Variants in LRFN5 observed in about 807,000 individuals in gnomAD.
LRFN5 encodes the protein leucine-rich repeat and fibronectin type-III domain-containing protein 5.
Under a neutral mutation model 45.6 loss-of-function variants are expected in LRFN5, and 24 were observed. The observed-to-expected ratio is 0.53, with a 90% CI of 0.38 to 0.74. The LOEUF is 0.74. Ranked by LOEUF, LRFN5 falls within the 30% of genes least tolerant of loss-of-function variation. The pLI, the probability that LRFN5 is intolerant of heterozygous loss-of-function variation, is 0.00. For synonymous variants in LRFN5, 340 were observed against 313.8 expected (o/e 1.08, Z -0.88); for missense variants, 776 against 861.5 (o/e 0.90, Z 1.24).
intron 1 of LRFN5, among the ~76,000 whole-genome samples, chr14:41,648,881 G>T (rs2138613933): frequency 6.6e-6 from 1 of 152,038 alleles, no homozygotes; most frequent in South Asian, 2.1e-4. Context: ...TCTAGAACTT[G>T]CCCTGTAAAC....
At chr14:41,898,779 GT>G (rs1170804831) in intron 4 of LRFN5, 137 bp from the exon 5 acceptor site, 1 of 790,566 alleles carries the variant, frequency 1.3e-6, no homozygotes, top group African/African-American at 1.8e-5. Context: ...GAACTGGTAA[GT>G]TTTTTAAAAA....
At chr14:41,901,788 T>G (rs1398872805) in intron 5 of LRFN5, among the ~76,000 whole-genome samples, 1 of 152,030 alleles carries the variant, frequency 6.6e-6, no homozygotes, top group East Asian at 1.9e-4. Flanking sequence ...TGCTTCCAAT[T>G]TGTTTCCAGG....
chr14:41,855,269 A>C (rs142589150), intron 2 of LRFN5, among the ~76,000 whole-genome samples: 1 of 152,300 alleles, frequency 6.6e-6, no homozygotes, highest in East Asian at 1.9e-4. Flanking sequence ...CAGATTGTGG[A>C]TAGCCTTTAA....
At chr14:41,817,932 A>G (rs1302903331) in intron 2 of LRFN5, among the ~76,000 whole-genome samples, 1 of 148,780 alleles carries the variant, frequency 6.7e-6, no homozygotes, top group East Asian at 1.9e-4. Context: ...TGCTCTAGCA[A>G]GCTGTGATTC....
chr14:41,783,836 A>G (rs932328031), intron 2 of LRFN5, among the ~76,000 whole-genome samples: 2 of 152,124 alleles, frequency 1.3e-5, no homozygotes, highest in Non-Finnish European at 2.9e-5. Context: ...TAGTTTCATA[A>G]TGGTGATTTT....
intron 2 of LRFN5, among the ~76,000 whole-genome samples, chr14:41,785,329 T>C (rs1166921597): frequency 1.3e-5 from 2 of 152,120 alleles, no homozygotes; most frequent in Non-Finnish European, 1.5e-5. Flanking sequence ...CCCTATATCT[T>C]TGGTTCATTT....
intron 2 of LRFN5, among the ~76,000 whole-genome samples, chr14:41,823,014 G>A (rs1317042845): frequency 6.6e-6 from 1 of 151,288 alleles, no homozygotes; most frequent in African/African-American, 2.4e-5. Flanking sequence ...TTTTCCACCC[G>A]AGTCTATAAG....
At chr14:41,850,446 C>G (rs1889226179) in intron 2 of LRFN5, among the ~76,000 whole-genome samples, 1 of 151,696 alleles carries the variant, frequency 6.6e-6, no homozygotes, top group South Asian at 2.1e-4. Context: ...AAAAAAAAAT[C>G]TATATTTAAC....
chr14:41,712,168 A>C (rs2138749080), intron 1 of LRFN5, among the ~76,000 whole-genome samples: 1 of 152,320 alleles, frequency 6.6e-6, no homozygotes, highest in South Asian at 2.1e-4. Context: ...AATATATGTC[A>C]AAACAGTCTT....
intron 1 of LRFN5, among the ~76,000 whole-genome samples, chr14:41,673,235 C>T (rs1025355419): frequency 2.0e-4 from 31 of 152,114 alleles, no homozygotes; most frequent in African/African-American, 7.5e-4. Flanking sequence ...GTTGGGTACA[C>T]CTCCCAGACG....
intron 4 of LRFN5, among the ~76,000 whole-genome samples, chr14:41,896,019 A>G (rs1566511770): frequency 1.3e-5 from 2 of 152,082 alleles, no homozygotes; most frequent in Non-Finnish European, 2.9e-5. Context: ...AAATTTTATT[A>G]TTTTATTTGC....
chr14:41,626,398 A>G (rs1297511651), intron 1 of LRFN5, among the ~76,000 whole-genome samples: 1 of 152,108 alleles, frequency 6.6e-6, no homozygotes, highest in East Asian at 1.9e-4. Flanking sequence ...TATACAACAG[A>G]CTGTATGCCT....
intron 1 of LRFN5, among the ~76,000 whole-genome samples, chr14:41,662,764 A>T (rs890369779): frequency 7.9e-5 from 12 of 152,052 alleles, no homozygotes; most frequent in African/African-American, 1.9e-4. Context: ...GGGAGTGCTG[A>T]CAACTGCTTC....
chr14:41,663,899 A>G (rs1880773700), intron 1 of LRFN5, among the ~76,000 whole-genome samples: 1 of 152,092 alleles, frequency 6.6e-6, no homozygotes, highest in Admixed American at 6.6e-5. Flanking sequence ...CCTCTCATAT[A>G]GGAGAGAGAT....
intron 2 of LRFN5, among the ~76,000 whole-genome samples, chr14:41,853,312 A>G (rs1180763117): frequency 6.6e-6 from 1 of 152,060 alleles, no homozygotes; most frequent in Non-Finnish European, 1.5e-5. Flanking sequence ...TAAGTGGAAC[A>G]TTGTTGTAGA....
intron 1 of LRFN5, among the ~76,000 whole-genome samples, chr14:41,756,754 A>G (rs1478978662): frequency 6.6e-6 from 1 of 151,520 alleles, no homozygotes; most frequent in Non-Finnish European, 1.5e-5. Flanking sequence ...TCTTCTTTCA[A>G]CTCGTCAAAA....
At chr14:41,737,087 A>T (rs948581026) in intron 1 of LRFN5, among the ~76,000 whole-genome samples, 3 of 152,332 alleles carry the variant, frequency 2.0e-5, no homozygotes, top group African/African-American at 7.2e-5. Flanking sequence ...ATGAATATTG[A>T]TGCCAAAATC....
At chr14:41,686,608 A>C (rs1475779143) in intron 1 of LRFN5, among the ~76,000 whole-genome samples, 1 of 151,850 alleles carries the variant, frequency 6.6e-6, no homozygotes, top group Non-Finnish European at 1.5e-5. Flanking sequence ...TGGGTTTGTC[A>C]CAGTTATTAT....
At chr14:41,621,720 A>AT (rs1174665554) in intron 1 of LRFN5, among the ~76,000 whole-genome samples, 3 of 152,108 alleles carry the variant, frequency 2.0e-5, no homozygotes, top group African/African-American at 7.2e-5. Context: ...CATCAAAGGA[A>AT]TTTTTTTGTT....
Sources: allele counts gnomAD v4.1 joint callset (sites outside exome capture counted in the v4.1 genomes callset), GRCh38; gene constraint gnomAD v4.1.1; transcripts MANE v1.5; gene names NCBI Gene and HGNC (gene_info 2026-07-23, HGNC 2026-07-21).